Variants in WWOX observed in about 807,000 individuals in gnomAD.
The protein encoded by WWOX is WW domain-containing oxidoreductase.
WWOX carries 69 observed loss-of-function variants against 46.2 expected under a neutral mutation model. The observed-to-expected ratio is 1.49, with a 90% CI of 1.23 to 1.82. The LOEUF (loss-of-function observed/expected upper bound fraction) is 1.82. Among genes scored for constraint, WWOX ranks in the 40% most tolerant of loss-of-function variants. The probability of loss-of-function intolerance (pLI) is 0.00; values close to 1 mark genes in which losing one functional copy is unlikely to be tolerated. For missense variants in WWOX, 919 were observed against 542.6 expected (o/e 1.69, Z -6.89); for synonymous variants, 359 against 202.6 (o/e 1.77, Z -6.56).
rs189208675 is a variant in WWOX at position 78,138,906 on chromosome 16, C to T, written c.409+23752C>T. Among the ~76,000 whole-genome samples the T allele has an allele frequency of 5.9e-5, 9 of 152,288 alleles. No individual in the cohort carries two copies. In the East Asian group the frequency reaches 1.7e-3, roughly 29 times the overall value. ...CTACAGCTGCTCAAAGATGTTCCCC[C>T]CATGCAACTGTTTCTTGCAACTCCT... is the stretch of plus-strand genomic sequence containing the variant. On this transcript the variant is annotated intron_variant, in intron 4 of 8. Coordinates refer to ENST00000566780, the MANE Select transcript of WWOX (RefSeq NM_016373.4).
At chr16:78,511,287 C>T (rs145258026) in intron 8 of WWOX, among the ~76,000 whole-genome samples, 8 of 152,308 alleles carry the variant, frequency 5.3e-5, no homozygotes, top group Admixed American at 4.6e-4. Flanking sequence ...TTCCGTCAAG[C>T]CTTTTAGCGG....
chr16:78,753,261 C>G (rs1475428456), intron 8 of WWOX, among the ~76,000 whole-genome samples: 1 of 152,030 alleles, frequency 6.6e-6, no homozygotes, highest in Non-Finnish European at 1.5e-5. Flanking sequence ...GATTACACCA[C>G]TACCCTCCAG....
intron 5 of WWOX, among the ~76,000 whole-genome samples, chr16:78,326,761 T>A (rs1229701459): frequency 6.6e-6 from 1 of 152,050 alleles, no homozygotes; most frequent in Non-Finnish European, 1.5e-5. Flanking sequence ...CATTTAGACA[T>A]TTAAGTGGGC....
At chr16:78,787,774 A>G (rs934202557) in intron 8 of WWOX, among the ~76,000 whole-genome samples, 2 of 152,226 alleles carry the variant, frequency 1.3e-5, no homozygotes, top group East Asian at 3.9e-4. Context: ...ACCATTTTAT[A>G]TTTCCACTTG....
At chr16:78,569,020 C>A (rs1425728511) in intron 8 of WWOX, among the ~76,000 whole-genome samples, 5 of 152,140 alleles carry the variant, frequency 3.3e-5, no homozygotes, top group African/African-American at 7.2e-5. Context: ...GCACCACACA[C>A]GATGAGATTG....
chr16:79,133,104 C>T (rs910125991), intron 8 of WWOX, among the ~76,000 whole-genome samples: 2 of 152,180 alleles, frequency 1.3e-5, no homozygotes, highest in African/African-American at 2.4e-5. Flanking sequence ...CTAGTTTCTT[C>T]GTCTTACATA....
Position 78,347,113 on chromosome 16 carries a change from G to A in WWOX, c.517-39747G>A, listed in dbSNP as rs913367235. Among the ~76,000 whole-genome samples the A allele has an allele frequency of 6.7e-5, 8 of 118,754 alleles. 1 individual carries two copies. The highest frequency in any genetic ancestry group is 1.7e-4 in the African/African-American group (6 of 34,906). The allele number at this position is 118,754 out of a possible 152,430, so 77.9% of individuals were successfully genotyped here. ...TATACCACACAGTTTCATTTTTAGT[G>A]TATTGACAGGTGTGCAGTCATCGTC... On this transcript the variant is annotated intron_variant, in intron 5 of 8. Transcript: ENST00000566780.
chr16:78,185,868 G>A lies in WWOX; in HGVS notation c.516+21579G>A, dbSNP rs987279755. ...TTTTAGTAGAGATGGGTTTCACCAT[G>A]TTGGCCAGGCTGGTCTTGAACTCTT... is the stretch of plus-strand genomic sequence containing the variant. On this transcript the variant is annotated intron_variant, in intron 5 of 8. Transcript: ENST00000566780. Among the ~76,000 whole-genome samples the A allele has an allele frequency of 4.6e-5, 7 of 152,116 alleles. No individual in the cohort carries two copies. The East Asian group carries it at 1.4e-3, about 29-fold the overall frequency.
At chr16:78,670,505 TG>T (rs1242459652) in intron 8 of WWOX, among the ~76,000 whole-genome samples, 1 of 151,854 alleles carries the variant, frequency 6.6e-6, no homozygotes, top group Non-Finnish European at 1.5e-5. Context: ...ACCCTCTGAA[TG>T]TGGGTTATGG....
intron 5 of WWOX, among the ~76,000 whole-genome samples, chr16:78,377,772 T>C (rs1024725651): frequency 2.6e-5 from 4 of 152,262 alleles, no homozygotes; most frequent in Admixed American, 1.3e-4. Context: ...TAAGCATTTT[T>C]AATAGTTTTG....
chr16:78,701,463 G>A (rs970099406), intron 8 of WWOX, among the ~76,000 whole-genome samples: 1 of 152,034 alleles, frequency 6.6e-6, no homozygotes, highest in African/African-American at 2.4e-5. Flanking sequence ...TGGCAGTGCT[G>A]GAATTTGAAC....
At chr16:79,165,334 C>T (rs1297159671) in intron 8 of WWOX, among the ~76,000 whole-genome samples, 3 of 152,058 alleles carry the variant, frequency 2.0e-5, no homozygotes, top group Non-Finnish European at 4.4e-5. Flanking sequence ...GGGAAACTTG[C>T]CTGTTTGAAG....
At chr16:78,490,967 C>T (rs7185497) in intron 8 of WWOX, among the ~76,000 whole-genome samples, 2,130 of 152,260 alleles carry the variant, frequency 0.014, 50 homozygotes, top group African/African-American at 0.049. Flanking sequence ...GCTCACCAGC[C>T]CCTGAGCTGC....
At chr16:79,090,582 A>G (rs948294865) in intron 8 of WWOX, among the ~76,000 whole-genome samples, 1 of 152,170 alleles carries the variant, frequency 6.6e-6, no homozygotes, top group Non-Finnish European at 1.5e-5. Flanking sequence ...GGCTGAGGAC[A>G]GGAAGACGAT....
At chr16:79,064,933 G>A (rs1051199159) in intron 8 of WWOX, among the ~76,000 whole-genome samples, 11 of 152,156 alleles carry the variant, frequency 7.2e-5, no homozygotes, top group African/African-American at 2.4e-4. Context: ...TGCAAATGGC[G>A]CCAGGAATCT....
At chr16:78,116,880 G>T (rs1350542363) in intron 4 of WWOX, among the ~76,000 whole-genome samples, 1 of 152,148 alleles carries the variant, frequency 6.6e-6, no homozygotes, top group Non-Finnish European at 1.5e-5. Context: ...TGTTTTTTGT[G>T]TTAAGTGTTC....
chr16:78,715,189 G>A (rs1327196954), intron 8 of WWOX, among the ~76,000 whole-genome samples: 3 of 152,322 alleles, frequency 2.0e-5, no homozygotes, highest in East Asian at 3.9e-4. Context: ...ATTTATCAGT[G>A]AGAAAAGAGT....
intron 8 of WWOX, among the ~76,000 whole-genome samples, chr16:78,939,153 T>G (rs917423776): frequency 6.6e-6 from 1 of 152,184 alleles, no homozygotes; most frequent in Non-Finnish European, 1.5e-5. Context: ...ACGTCCATGT[T>G]GCTATTACAG....
intron 8 of WWOX, among the ~76,000 whole-genome samples, chr16:78,466,083 G>A (rs1189773643): frequency 6.6e-6 from 1 of 151,930 alleles, no homozygotes; most frequent in African/African-American, 2.4e-5. Flanking sequence ...CCAGGCTGGA[G>A]TGCAGTGGCA....
Sources: gnomAD v4.1 joint callset for allele counts (sites outside exome capture counted in the v4.1 genomes callset) on GRCh38, gnomAD v4.1.1 for gene constraint, MANE v1.5 for transcripts, NCBI Gene and HGNC (gene_info 2026-07-23, HGNC 2026-07-21) for gene names.